ACOXL: variants seen among roughly 807,000 people sequenced by gnomAD.
The protein encoded by ACOXL is acyl-CoA oxidase like.
In ACOXL, 70 loss-of-function variants were observed where a neutral mutation model predicts 71.9. That is an observed-to-expected ratio of 0.97 (90% CI 0.80 to 1.19). The LOEUF is 1.19. ACOXL is among the 50% of genes most tolerant of loss of function. The pLI is 0.00. For synonymous variants in ACOXL, 253 were observed against 281.6 expected, an observed-to-expected ratio of 0.90 and a Z score of 1.02; for missense variants, 703 against 736.3, an observed-to-expected ratio of 0.95 and a Z score of 0.52.
chr2:111,066,741 A>G (rs1329874980), intron 16 of ACOXL, among the ~76,000 whole-genome samples: 3 of 152,232 alleles, frequency 2.0e-5, no homozygotes, highest in Non-Finnish European at 4.4e-5. Context: ...GGGTTATTGT[A>G]TTAAATACTG....
At chr2:110,822,299 A>G (rs896753970) in intron 9 of ACOXL, among the ~76,000 whole-genome samples, 3 of 152,120 alleles carry the variant, frequency 2.0e-5, no homozygotes, top group Non-Finnish European at 4.4e-5. Flanking sequence ...CTCAACTCTG[A>G]TCCCTTTACA....
intron 2 of ACOXL, among the ~76,000 whole-genome samples, chr2:110,777,639 A>G (rs751581988): frequency 1.6e-4 from 24 of 152,194 alleles, no homozygotes; most frequent in Admixed American, 1.3e-3. Flanking sequence ...CTGTCTTCCA[A>G]GTGTGCACTG....
intron 14 of ACOXL, among the ~76,000 whole-genome samples, chr2:111,015,418 C>T (rs1276267902): frequency 6.6e-6 from 1 of 152,168 alleles, no homozygotes; most frequent in Non-Finnish European, 1.5e-5. Context: ...CACAGTGAAA[C>T]ACCACGACAC....
At chr2:110,983,928 C>T (rs1201871092) in intron 12 of ACOXL, among the ~76,000 whole-genome samples, 3 of 152,264 alleles carry the variant, frequency 2.0e-5, no homozygotes, top group Admixed American at 2.0e-4. Flanking sequence ...CAGCTCACTG[C>T]AACCTCCGTC....
At chr2:111,044,788 C>G (rs762603385) in intron 15 of ACOXL, among the ~76,000 whole-genome samples, 1 of 152,188 alleles carries the variant, frequency 6.6e-6, no homozygotes, top group Non-Finnish European at 1.5e-5. Flanking sequence ...GCAATGACTG[C>G]AGGGGATGAG....
At chr2:110,834,168 C>A (rs1364565313) in intron 9 of ACOXL, among the ~76,000 whole-genome samples, 2 of 152,152 alleles carry the variant, frequency 1.3e-5, no homozygotes, top group East Asian at 3.8e-4. Context: ...CTGGCTGATT[C>A]TCCTCTGACT....
chr2:110,929,494 G>A (rs1244472305), intron 11 of ACOXL, among the ~76,000 whole-genome samples: 2 of 152,210 alleles, frequency 1.3e-5, no homozygotes, highest in African/African-American at 4.8e-5. Flanking sequence ...AAAATTTGCA[G>A]CCTGAAGATG....
chr2:110,981,565 C>A (rs2062709508), intron 12 of ACOXL, among the ~76,000 whole-genome samples: 1 of 152,146 alleles, frequency 6.6e-6, no homozygotes, highest in Non-Finnish European at 1.5e-5. Flanking sequence ...CAGAGCTTAG[C>A]CTTAGTAGAT....
At chr2:110,852,475 C>A (rs1692736325) in intron 10 of ACOXL, among the ~76,000 whole-genome samples, 1 of 152,216 alleles carries the variant, frequency 6.6e-6, no homozygotes, top group Admixed American at 6.5e-5. Context: ...AAGACGTAAT[C>A]CAGGGCTCTG....
At chr2:111,003,708 A>G (rs1180397845) in intron 14 of ACOXL, among the ~76,000 whole-genome samples, 1 of 152,154 alleles carries the variant, frequency 6.6e-6, no homozygotes, top group Non-Finnish European at 1.5e-5. Flanking sequence ...TTTAAAAAGC[A>G]CTAAAAATTA....
At chr2:111,051,743 T>C (rs895262499) in intron 16 of ACOXL, among the ~76,000 whole-genome samples, 4 of 152,210 alleles carry the variant, frequency 2.6e-5, no homozygotes, top group Non-Finnish European at 5.9e-5. Flanking sequence ...GTGCTGGGAT[T>C]ACAGACATAC....
Position 111,117,197 on chromosome 2 carries a change from TGGCACCCCA to T in ACOXL, c.1543-413_1543-405del, listed in dbSNP as rs550938366. Among the ~76,000 whole-genome samples the T allele has an allele frequency of 6.3e-4, 95 of 151,966 alleles. 1 individual carries two copies. The Middle Eastern group carries it at 0.017, about 27-fold the overall frequency. On this transcript the variant is annotated intron_variant, in intron 17 of 17. Coordinates refer to ENST00000439055, the MANE Select transcript of ACOXL (RefSeq NM_001142807.4). ...TCAGTTCCCTCTGCGCGCCAGAGGG[TGGCACCCCA>T]GGCACTCCAGAGGTGGAGAGGAGGG...
intron 12 of ACOXL, among the ~76,000 whole-genome samples, chr2:110,984,375 C>G (rs891699318): frequency 3.3e-5 from 5 of 152,132 alleles, no homozygotes; most frequent in African/African-American, 1.2e-4. Flanking sequence ...GGTGACTGAT[C>G]TCTCTTTGCC....
chr2:110,938,794 G>T (rs2060761091), intron 12 of ACOXL, among the ~76,000 whole-genome samples: 3 of 151,760 alleles, frequency 2.0e-5, no homozygotes, highest in African/African-American at 2.4e-5. Flanking sequence ...ACAAAACTTG[G>T]CCCCCTTGAT....
At chr2:110,750,606 T>C (rs2104794582) in intron 1 of ACOXL, among the ~76,000 whole-genome samples, 1 of 148,740 alleles carries the variant, frequency 6.7e-6, no homozygotes, top group Non-Finnish European at 1.5e-5. Context: ...ATTATACATA[T>C]TATATATAAA....
At chr2:110,785,985 T>G (rs79897287) in intron 3 of ACOXL, among the ~76,000 whole-genome samples, 1 of 152,346 alleles carries the variant, frequency 6.6e-6, no homozygotes, top group East Asian at 1.9e-4. Context: ...GGCATCTTAT[T>G]GTCTTGAGGG....
At chr2:110,812,433 A>T (rs1023038104) in intron 9 of ACOXL, among the ~76,000 whole-genome samples, 1 of 152,092 alleles carries the variant, frequency 6.6e-6, no homozygotes, top group Non-Finnish European at 1.5e-5. Context: ...CCAGTACCCA[A>T]TAGTTACCTT....
intron 10 of ACOXL, among the ~76,000 whole-genome samples, chr2:110,867,888 G>A (rs1332969076): frequency 1.3e-5 from 2 of 151,736 alleles, no homozygotes; most frequent in Non-Finnish European, 2.9e-5. Flanking sequence ...TCAGCCTCCC[G>A]AGTAGCTGGG....
At chr2:110,930,920 A>G (rs116745141) in intron 11 of ACOXL, among the ~76,000 whole-genome samples, 6 of 152,346 alleles carry the variant, frequency 3.9e-5, no homozygotes, top group African/African-American at 1.2e-4. Context: ...AGTGTCAGGT[A>G]TGTCTTTATC....
Sources: gnomAD v4.1 joint callset for allele counts (sites outside exome capture counted in the v4.1 genomes callset) on GRCh38, gnomAD v4.1.1 for gene constraint, MANE v1.5 for transcripts, NCBI Gene and HGNC (gene_info 2026-07-23, HGNC 2026-07-21) for gene names.